DNAAF1: variants seen among roughly 807,000 people sequenced by gnomAD.
The protein encoded by DNAAF1 is dynein assembly factor 1, axonemal.
Under a neutral mutation model 71.1 loss-of-function variants are expected in DNAAF1, and 65 were observed. That is an observed-to-expected ratio of 0.91 (90% CI 0.75 to 1.12). The LOEUF is 1.12. Ranked by LOEUF, DNAAF1 falls within the 50% of genes most tolerant of loss-of-function variation. The pLI is 0.00. For synonymous variants in DNAAF1, 414 were observed against 354.6 expected, an observed-to-expected ratio of 1.17 and a Z score of -1.88; for missense variants, 1,178 against 899.8, an observed-to-expected ratio of 1.31 and a Z score of -3.96.
In DNAAF1 at chr16:84,171,055, A is replaced by G. The variant is rs113702288; in HGVS notation, c.1528+699A>G. On this transcript the variant is annotated intron_variant, in intron 8 of 11. Transcript: ENST00000378553. ...TGAACGGTAACTTTTTACTGGTGAA[A>G]GGTAGGCCATTCATCTCTGACATAA... 1.2e-4 allele frequency among the ~76,000 whole-genome samples: 18 copies of G among 152,284 alleles called. 1 individual carries two copies. The highest frequency in any genetic ancestry group is 4.3e-4 in the African/African-American group (18 of 41,554).
intron 5 of DNAAF1, among the ~76,000 whole-genome samples, chr16:84,157,131 C>G (rs1797855490): frequency 6.6e-6 from 1 of 151,954 alleles, no homozygotes; most frequent in African/African-American, 2.4e-5. Flanking sequence ...ACAGTGAAAC[C>G]TTTCTTTTTT....
chr16:84,158,697 A>G (rs1008931140), intron 5 of DNAAF1: 1 of 152,094 alleles, frequency 6.6e-6, no homozygotes, highest in African/African-American at 2.4e-5. Flanking sequence ...ACATTTTGAA[A>G]TGGTTCACCC....
chr16:84,159,559 A>C (rs2087605130), intron 5 of DNAAF1, 116 bp from the exon 6 acceptor site: 43 of 1,389,794 alleles, frequency 3.1e-5, no homozygotes, highest in Non-Finnish European at 4.3e-5. Context: ...GGATATTGGC[A>C]CTTCTATTTT....
rs1417293697 is a variant in DNAAF1 at position 84,149,119 on chromosome 16, A to G, written c.237A>G (p.Glu79=). 1 of 1,614,026 alleles carries G rather than the reference A, an allele frequency of 6.2e-7. No individual in the cohort carries two copies. Among genetic ancestry groups the G allele is most frequent in the Non-Finnish European group, 8.5e-7 (1 of 1,180,038 alleles). ...GSGGHFAHPR[E]DREDRGPRMT... is the part of the protein sequence containing the mutation. Reference sequence around the variant, plus strand: ...GTGGTCACTTCGCACACCCAAGAGAAGACAGGGAAGATCGGGGCCCCAGGT... The same window carrying G: ...GTGGTCACTTCGCACACCCAAGAGAGGACAGGGAAGATCGGGGCCCCAGGT... Residue 79 remains glutamate, a synonymous_variant, in exon 2 of 12, where the codon GAA becomes GAG. Coordinates refer to ENST00000378553, the MANE Select transcript of DNAAF1 (RefSeq NM_178452.6).
At chr16:84,154,460 A>T (rs1036835297) in intron 3 of DNAAF1, 117 bp from the exon 4 acceptor site, 3 of 887,910 alleles carry the variant, frequency 3.4e-6, no homozygotes, top group Non-Finnish European at 3.6e-6. Flanking sequence ...ATTTCAATGT[A>T]TGAATTTTGA....
intron 6 of DNAAF1, among the ~76,000 whole-genome samples, chr16:84,164,724 C>T (rs571528685): frequency 1.1e-4 from 17 of 152,336 alleles, no homozygotes; most frequent in South Asian, 4.1e-4. Context: ...CTGCTGTAAA[C>T]GTCCATGTGC....
chr16:84,154,228 G>T (rs141603735), intron 3 of DNAAF1, among the ~76,000 whole-genome samples: 1 of 152,178 alleles, frequency 6.6e-6, no homozygotes, highest in East Asian at 1.9e-4. Flanking sequence ...AGGCTAGGAA[G>T]TCCAAGGTCA....
At chr16:84,168,441 T>C (rs903827271) in intron 7 of DNAAF1, among the ~76,000 whole-genome samples, 2 of 152,178 alleles carry the variant, frequency 1.3e-5, no homozygotes, top group African/African-American at 4.8e-5. Flanking sequence ...CTTTGACTAA[T>C]ATTTTTATTT....
intron 9 of DNAAF1, chr16:84,173,313 A>C: frequency 1.4e-6 from 1 of 717,594 alleles, no homozygotes; most frequent in Non-Finnish European, 1.7e-6. Context: ...AATAGAAAAA[A>C]ATTAGCCAGG....
At chr16:84,147,940 C>A (rs1326639293) in intron 1 of DNAAF1, among the ~76,000 whole-genome samples, 1 of 151,942 alleles carries the variant, frequency 6.6e-6, no homozygotes, top group Non-Finnish European at 1.5e-5. Context: ...TGGTGACAGG[C>A]GCTGGTAATC....
intron 5 of DNAAF1, among the ~76,000 whole-genome samples, chr16:84,156,972 C>A (rs2087468030): frequency 6.6e-6 from 1 of 151,172 alleles, no homozygotes; most frequent in Non-Finnish European, 1.5e-5. Context: ...CCCACCTTAG[C>A]CTCACAAGTA....
At chr16:84,171,927 G>A (rs2088371714) in intron 8 of DNAAF1, among the ~76,000 whole-genome samples, 1 of 150,892 alleles carries the variant, frequency 6.6e-6, no homozygotes, top group South Asian at 2.1e-4. Context: ...ACCCAGGCTG[G>A]AGTGCAGTGG....
At chr16:84,170,935 C>T (rs2088300697) in intron 8 of DNAAF1, among the ~76,000 whole-genome samples, 1 of 152,100 alleles carries the variant, frequency 6.6e-6, no homozygotes, top group Non-Finnish European at 1.5e-5. Flanking sequence ...AAAATATAAT[C>T]ATGTTAACAT....
intron 5 of DNAAF1, among the ~76,000 whole-genome samples, chr16:84,158,024 G>A (rs923980998): frequency 6.6e-6 from 1 of 152,052 alleles, no homozygotes; most frequent in Admixed American, 6.6e-5. Context: ...TGGCTAACAT[G>A]GTGAAACCGT....
intron 6 of DNAAF1, among the ~76,000 whole-genome samples, chr16:84,164,382 T>C (rs186635165): frequency 9.2e-4 from 140 of 152,328 alleles, no homozygotes; most frequent in African/African-American, 3.2e-3. Context: ...AGAATAGTTT[T>C]ACTGCCCTAA....
In DNAAF1 at chr16:84,172,009, C is replaced by A. The variant is rs182695041; in HGVS notation, c.1529-251C>A. ...TCTCCTGCCTCAGCCTCCCAAGTAG[C>A]TGAGACTACAGGTGCCCGCCACCAC... On this transcript the variant is annotated intron_variant, in intron 8 of 11. Transcript: ENST00000378553. 2.3e-4 allele frequency among the ~76,000 whole-genome samples: 35 copies of A among 152,138 alleles called. No individual in the cohort carries two copies. In the East Asian group the frequency reaches 6.6e-3, roughly 29 times the overall value.
At chr16:84,149,693 A>C (rs1004987925) in intron 2 of DNAAF1, among the ~76,000 whole-genome samples, 2 of 145,574 alleles carry the variant, frequency 1.4e-5, no homozygotes, top group Non-Finnish European at 3.0e-5. Context: ...TCCATCTCAA[A>C]AAAAAAAAAA....
At position 84,172,165 on chromosome 16, in the gene DNAAF1, C is replaced by T. The variant is rs183121973; in HGVS notation, c.1529-95C>T. 7 of 1,209,312 alleles carry T rather than the reference C, an allele frequency of 5.8e-6. No individual in the cohort carries two copies. In the African/African-American group the frequency reaches 9.0e-5, roughly 16 times the overall value. The allele number at this position is 1,209,312 out of a possible 1,614,324, so 74.9% of individuals were successfully genotyped here. On this transcript the variant is annotated intron_variant, in intron 8 of 11. Transcript: ENST00000378553. ...GTGTTGGGATTACAGGCATGAGCCACCGAGCCCGGCCCTTGGGAGCCCATC... is the reference window on the plus strand; with the variant it reads ...GTGTTGGGATTACAGGCATGAGCCATCGAGCCCGGCCCTTGGGAGCCCATC...
intron 9 of DNAAF1, chr16:84,174,148 G>A (rs1490827511): frequency 1.0e-6 from 1 of 995,068 alleles, no homozygotes; most frequent in East Asian, 1.0e-4. Flanking sequence ...TAACAACCTA[G>A]GCACCGTGGC....
Sources: allele counts gnomAD v4.1 joint callset (sites outside exome capture counted in the v4.1 genomes callset), GRCh38; gene constraint gnomAD v4.1.1; transcripts MANE v1.5; gene names NCBI Gene and HGNC (gene_info 2026-07-23, HGNC 2026-07-21).